BRDT: variants seen among roughly 807,000 people sequenced by gnomAD.
BRDT encodes the protein bromodomain testis-specific protein.
Under a neutral mutation model 113.9 loss-of-function variants are expected in BRDT, and 77 were observed. The observed-to-expected ratio is 0.68, with a 90% CI of 0.56 to 0.82. The LOEUF (loss-of-function observed/expected upper bound fraction) is 0.82. Among genes scored for constraint, BRDT ranks in the 40% least tolerant of loss-of-function variants. The pLI, the probability that BRDT is intolerant of heterozygous loss-of-function variation, is 0.00. For synonymous variants in BRDT, 358 were observed against 366.5 expected (o/e 0.98, Z 0.26); for missense variants, 1,027 against 1,105.4 (o/e 0.93, Z 1.01).
intron 4 of BRDT, among the ~76,000 whole-genome samples, chr1:91,972,112 C>T (rs1433789753): frequency 6.6e-6 from 1 of 151,826 alleles, no homozygotes; most frequent in Non-Finnish European, 1.5e-5. Context: ...GTCAGGGTCA[C>T]TTGTAGTCTT....
At chr1:91,983,542 C>G (rs866429368) in intron 12 of BRDT, among the ~76,000 whole-genome samples, 2 of 152,074 alleles carry the variant, frequency 1.3e-5, no homozygotes, top group Non-Finnish European at 2.9e-5. Context: ...GCATTAGCCA[C>G]CACGCCTGGC....
At chr1:91,998,011 A>G (rs1490356487) in intron 15 of BRDT, among the ~76,000 whole-genome samples, 1 of 152,218 alleles carries the variant, frequency 6.6e-6, no homozygotes, top group Non-Finnish European at 1.5e-5. Flanking sequence ...TAAAAAATGA[A>G]TTTTTAAGTG....
Position 92,002,037 on chromosome 1 carries a change from G to A in BRDT, c.2288-12G>A, listed in dbSNP as rs997247334. The A allele has an allele frequency of 1.9e-6, 3 of 1,569,932 alleles. No homozygotes were observed. Among genetic ancestry groups the A allele is most frequent in the Admixed American group, 3.4e-5 (2 of 58,336 alleles). On this transcript the variant is annotated splice_polypyrimidine_tract_variant and intron_variant, in intron 15 of 18. Coordinates refer to ENST00000399546, the MANE Select transcript of BRDT (RefSeq NM_207189.4). ...ATTTTAATTATACTATTCTAAAAAT[G>A]TGTGCATCCAGGTGATTCTGAACAG... is the stretch of plus-strand genomic sequence containing the variant.
At chr1:91,980,859 A>C (rs747910991) in intron 9 of BRDT, 30 bp from the exon 10 acceptor site, 4 of 1,592,788 alleles carry the variant, frequency 2.5e-6, no homozygotes, top group Admixed American at 1.8e-5. Context: ...CAATAACGAT[A>C]AGTTGGACTA....
Position 91,951,496 on chromosome 1 carries a change from TAAAAA to T in BRDT, c.-38+1819_-38+1823del, listed in dbSNP as rs550385867. ...GCGGGGGGGCGTGTATAGATGGAATTAAAAAAAAAGAAAAAAAAGGCTGGGCGCGG... is the reference window on the plus strand; with the variant it reads ...GCGGGGGGGCGTGTATAGATGGAATTAAAAGAAAAAAAAGGCTGGGCGCGG... On this transcript the variant is annotated intron_variant, in intron 1 of 18. Coordinates refer to ENST00000399546, the MANE Select transcript of BRDT (RefSeq NM_207189.4). Among the ~76,000 whole-genome samples the T allele has an allele frequency of 8.4e-4, 126 of 149,742 alleles. 1 individual carries two copies. Among genetic ancestry groups the T allele is most frequent in the Admixed American group, 2.5e-3 (38 of 15,006 alleles).
At position 91,979,659 on chromosome 1, in the gene BRDT, A is replaced by G. The variant is rs200903813; in HGVS notation, c.1189A>G (p.Thr397Ala). ...CATCAAAACAGATATCACAGAAACC[A>G]CTGGTAGAGAGAACACTAATGAAGC... is the stretch of plus-strand genomic sequence containing the variant. ...CYIKTDITET[T>A]GRENTNEASS... is the part of the protein sequence containing the mutation. The change falls in exon 8 of 19, where the codon ACT (threonine) becomes GCT (alanine). Residue 397 changes from threonine (T) to alanine (A), a missense_variant. Physicochemically the swap from Thr to Ala is moderately conservative, Grantham distance 58. Coordinates refer to ENST00000399546, the MANE Select transcript of BRDT (RefSeq NM_207189.4). The G allele has an allele frequency of 5.6e-6, 9 of 1,614,010 alleles. No individual in the cohort carries two copies. The East Asian group carries it at 1.3e-4, about 24-fold the overall frequency.
Position 91,976,254 on chromosome 1 carries a change from A to G in BRDT, c.446-12A>G. 1 of 1,576,892 alleles carries G rather than the reference A, an allele frequency of 6.3e-7. No homozygotes were observed. The highest frequency in any genetic ancestry group is 1.2e-5 in the South Asian group (1 of 84,172). ...TCATTCATATATTTGATTCTGGCTC[A>G]TACTTTTCCAGGCACTCAACAGAAT... On this transcript the variant is annotated splice_polypyrimidine_tract_variant and intron_variant, in intron 4 of 18. Coordinates refer to ENST00000399546, the MANE Select transcript of BRDT (RefSeq NM_207189.4).
intron 3 of BRDT, among the ~76,000 whole-genome samples, chr1:91,965,509 G>C (rs1054101347): frequency 6.6e-6 from 1 of 152,066 alleles, no homozygotes; most frequent in African/African-American, 2.4e-5. Flanking sequence ...AACCTAAAAA[G>C]CCAAACCAAT....
intron 15 of BRDT, among the ~76,000 whole-genome samples, 199 bp from the exon 16 acceptor site, chr1:92,001,850 A>G (rs993933037): frequency 4.6e-5 from 7 of 152,208 alleles, no homozygotes; most frequent in African/African-American, 1.7e-4. Context: ...AAAAAAGAGC[A>G]AAGTGGTAAC....
At chr1:91,978,447 C>T in intron 7 of BRDT, 151 bp downstream of exon 7, 2 of 918,174 alleles carry the variant, frequency 2.2e-6, no homozygotes, top group Admixed American at 3.1e-5. Context: ...ACCAACAAAA[C>T]AGTTTATGAA....
Position 91,962,731 on chromosome 1 carries a change from A to T in BRDT, c.-24A>T, listed in dbSNP as rs1373837249. 3 of 1,546,652 alleles carry T rather than the reference A, an allele frequency of 1.9e-6. No homozygotes were observed. The African/African-American group carries it at 4.2e-5, about 21-fold the overall frequency. On this transcript the variant is annotated 5_prime_UTR_variant, in exon 2 of 19. It removes the in-frame stop codon of an upstream open reading frame in the 5' UTR. Coordinates refer to ENST00000399546, the MANE Select transcript of BRDT (RefSeq NM_207189.4). Reference sequence around the variant, plus strand: ...TTTGTTTTTCAGGACATGTACTTGTAGACAGGATTCAAAGCAGTTAAGAAT... The same window carrying T: ...TTTGTTTTTCAGGACATGTACTTGTTGACAGGATTCAAAGCAGTTAAGAAT...
rs563309471 is a variant in BRDT at position 91,970,536 on chromosome 1, G to A, written c.445+2276G>A. ...CATGCCTTGGCCTCCCAAAGTGCTA[G>A]GATTACAGGCGTGAGCCACCATGCA... On this transcript the variant is annotated intron_variant, in intron 4 of 18. Coordinates refer to ENST00000399546, the MANE Select transcript of BRDT (RefSeq NM_207189.4). Among the ~76,000 whole-genome samples, 10 of 152,290 alleles carry A rather than the reference G, an allele frequency of 6.6e-5. 1 individual carries two copies. The South Asian group carries it at 2.1e-3, about 32-fold the overall frequency.
intron 1 of BRDT, chr1:91,950,347 G>A: frequency 6.5e-6 from 1 of 152,734 alleles, no homozygotes; most frequent in African/African-American, 2.4e-5. Flanking sequence ...CTACTCGGGA[G>A]GCTGAGGCAG....
chr1:91,954,268 G>A (rs1007324349), intron 1 of BRDT, among the ~76,000 whole-genome samples: 1 of 136,144 alleles, frequency 7.3e-6, no homozygotes, highest in African/African-American at 2.7e-5. Context: ...CACGGTGCTC[G>A]GCATTTTTTT....
At chr1:92,009,360 T>C (rs1687600408) in intron 18 of BRDT, among the ~76,000 whole-genome samples, 1 of 152,188 alleles carries the variant, frequency 6.6e-6, no homozygotes, top group African/African-American at 2.4e-5. Flanking sequence ...CAGCCATTGA[T>C]GGACATTTAG....
chr1:91,971,581 G>A (rs1319744776), intron 4 of BRDT, among the ~76,000 whole-genome samples: 2 of 152,302 alleles, frequency 1.3e-5, no homozygotes, highest in African/African-American at 2.4e-5. Flanking sequence ...TGTTGATTGA[G>A]CAAATACTTG....
chr1:91,987,562 A>C (rs2101716270), intron 12 of BRDT, among the ~76,000 whole-genome samples: 1 of 150,674 alleles, frequency 6.6e-6, no homozygotes, highest in Middle Eastern at 3.7e-3. Flanking sequence ...GGTCTCGAAC[A>C]CCTGACCTCA....
intron 7 of BRDT, 112 bp downstream of exon 7, chr1:91,978,408 T>G (rs1017795868): frequency 7.2e-6 from 9 of 1,242,352 alleles, no homozygotes; most frequent in Non-Finnish European, 8.7e-6. Context: ...CTCTAAGTAT[T>G]AAATGGCAAA....
chr1:91,993,036 C>T (rs754555350), intron 14 of BRDT, among the ~76,000 whole-genome samples: 1 of 151,972 alleles, frequency 6.6e-6, no homozygotes, highest in Non-Finnish European at 1.5e-5. Context: ...GAAAAAAATG[C>T]CTATTTATGG....
Sources: gnomAD v4.1 joint callset for allele counts (sites outside exome capture counted in the v4.1 genomes callset) on GRCh38, gnomAD v4.1.1 for gene constraint, MANE v1.5 for transcripts, NCBI Gene and HGNC (gene_info 2026-07-23, HGNC 2026-07-21) for gene names.